Variants in SBNO1 observed in about 807,000 individuals in gnomAD.
SBNO1 encodes the protein protein strawberry notch homolog 1.
SBNO1 carries 23 observed loss-of-function variants against 173.6 expected under a neutral mutation model. That is an observed-to-expected ratio of 0.13 (90% CI 0.10 to 0.19). The LOEUF is 0.19. SBNO1 is among the 10% of genes least tolerant of loss of function. The probability of loss-of-function intolerance (pLI) is 1.00; values close to 1 mark genes in which losing one functional copy is unlikely to be tolerated. For missense variants in SBNO1, 1,238 were observed against 1,671.2 expected (o/e 0.74, Z 4.52); for synonymous variants, 632 against 571.5 (o/e 1.11, Z -1.51).
intron 31 of SBNO1, among the ~76,000 whole-genome samples, chr12:123,296,313 T>A (rs2138858809): frequency 7.8e-6 from 1 of 127,516 alleles, no homozygotes; most frequent in South Asian, 2.7e-4. Context: ...GAATATCTAT[T>A]ATTCTCTTTT....
intron 4 of SBNO1, among the ~76,000 whole-genome samples, chr12:123,344,843 C>T (rs1176568359): frequency 3.3e-5 from 5 of 151,774 alleles, no homozygotes; most frequent in Non-Finnish European, 7.4e-5. Flanking sequence ...ACTGAAAATC[C>T]GTCTCAAAAA....
At chr12:123,344,491 A>G (rs1402097997) in intron 4 of SBNO1, among the ~76,000 whole-genome samples, 4 of 152,224 alleles carry the variant, frequency 2.6e-5, no homozygotes, top group Non-Finnish European at 5.9e-5. Flanking sequence ...ACAAAGTTCT[A>G]CATCTTCCTA....
chr12:123,345,238 A>G lies in SBNO1; in HGVS notation c.550+20T>C. ...AGCTTACCAGAGAGAGAAAGTTGAT[A>G]CTATTGAAAACAGACTTACTAGCTG... On this transcript the variant is annotated intron_variant, in intron 4 of 31. Transcript: ENST00000602398. 2 of 1,589,990 alleles carry G rather than the reference A, an allele frequency of 1.3e-6. No individual in the cohort carries two copies. Among genetic ancestry groups the G allele is most frequent in the Non-Finnish European group, 1.7e-6 (2 of 1,161,166 alleles).
chr12:123,315,522 C>A, intron 22 of SBNO1, 26 bp downstream of exon 22: 1 of 1,576,802 alleles, frequency 6.3e-7, no homozygotes, highest in Non-Finnish European at 8.7e-7. Context: ...ATCATTTACA[C>A]ACAGCCACAC....
In SBNO1 at chr12:123,294,863, AC is replaced by A. The variant is rs1312829383; in HGVS notation, c.*1044del. The A allele has an allele frequency of 6.7e-6, 1 of 149,022 alleles. No homozygotes were observed. Among genetic ancestry groups the A allele is most frequent in the East Asian group, 1.9e-4 (1 of 5,200 alleles). 9.2% of individuals were successfully genotyped at this position (149,022 alleles called of 1,614,324 possible). On this transcript the variant is annotated 3_prime_UTR_variant, in exon 32 of 32. Transcript: ENST00000602398. ...CAACACATTAAACAATATTCAAGTT[AC>A]TGAGTAACAACAATAACAACAATAA...
intron 1 of SBNO1, among the ~76,000 whole-genome samples, chr12:123,361,002 T>C (rs182405910): frequency 2.0e-5 from 3 of 152,012 alleles, no homozygotes; most frequent in Non-Finnish European, 4.4e-5. Flanking sequence ...TCCCAGCACT[T>C]TGGAAGGCCG....
chr12:123,300,575 G>A (rs2048753335), intron 30 of SBNO1, among the ~76,000 whole-genome samples: 2 of 152,096 alleles, frequency 1.3e-5, no homozygotes, highest in Admixed American at 6.6e-5. Flanking sequence ...GAAGAATGCC[G>A]TGAACCTGGG....
chr12:123,352,308 G>A (rs1356948605), intron 1 of SBNO1, among the ~76,000 whole-genome samples: 1 of 152,188 alleles, frequency 6.6e-6, no homozygotes, highest in Non-Finnish European at 1.5e-5. Context: ...AATGGCATTA[G>A]CCAAGAGTAC....
At position 123,325,484 on chromosome 12, in the gene SBNO1, A is replaced by G; in HGVS notation, c.1973+18T>C. On this transcript the variant is annotated intron_variant, in intron 15 of 31. Transcript: ENST00000602398. Reference sequence around the variant, plus strand: ...AACTCAAAAAGAAACAAAAACATTAAAAGAACAAAAACATTACTTGGCAGT... The same window carrying G: ...AACTCAAAAAGAAACAAAAACATTAGAAGAACAAAAACATTACTTGGCAGT... 1 of 1,561,274 alleles carries G rather than the reference A, an allele frequency of 6.4e-7. No individual in the cohort carries two copies.
chr12:123,322,639 C>T (rs969306024), intron 16 of SBNO1, among the ~76,000 whole-genome samples: 10 of 151,864 alleles, frequency 6.6e-5, no homozygotes, highest in Non-Finnish European at 5.9e-5. Context: ...GGCGAGATGG[C>T]TCACACCTGT....
rs1322845324 is a variant in SBNO1 at position 123,289,150 on chromosome 12, AACAAAACAAAAACCACC to A, written c.*6741_*6757del. ...TATTTAGAATCTTACAAAAACAAAA[AACAAAACAAAAACCACC>A]ACAACAGAAAAAAAAACTAAATACA... On this transcript the variant is annotated 3_prime_UTR_variant, in exon 32 of 32. Transcript: ENST00000602398. 6.9e-6 allele frequency: 1 copy of A among 145,160 alleles called. No homozygotes were observed. Among genetic ancestry groups the A allele is most frequent in the Non-Finnish European group, 1.6e-5 (1 of 63,768 alleles). The allele number at this position is 145,160 out of a possible 1,614,324, so 9.0% of individuals were successfully genotyped here.
intron 1 of SBNO1, among the ~76,000 whole-genome samples, chr12:123,352,884 G>C (rs12311572): frequency 6.6e-6 from 1 of 152,114 alleles, no homozygotes; most frequent in African/African-American, 2.4e-5. Flanking sequence ...CGCAACCTCC[G>C]CCTTCCAGGT....
chr12:123,297,357 T>G (rs1459096403), intron 31 of SBNO1, among the ~76,000 whole-genome samples: 2 of 87,674 alleles, frequency 2.3e-5, no homozygotes, highest in African/African-American at 3.9e-5. Context: ...AAAAAATTCA[T>G]TAATTCAAAT....
intron 4 of SBNO1, among the ~76,000 whole-genome samples, chr12:123,341,602 A>G (rs1566047449): frequency 6.6e-6 from 1 of 151,286 alleles, no homozygotes; most frequent in Non-Finnish European, 1.5e-5. Context: ...GCTGACTGCA[A>G]CCTCCTCCTC....
chr12:123,332,295 G>A (rs1052854524), intron 7 of SBNO1, among the ~76,000 whole-genome samples: 2 of 151,970 alleles, frequency 1.3e-5, no homozygotes, highest in African/African-American at 4.8e-5. Context: ...GTTTGTTTTT[G>A]TTTTGTTTTG....
chr12:123,331,157 T>A, intron 8 of SBNO1, 85 bp downstream of exon 8: 1 of 1,365,968 alleles, frequency 7.3e-7, no homozygotes, highest in South Asian at 1.3e-5. Flanking sequence ...AGAGACGGAG[T>A]TTCACTGTGT....
At chr12:123,360,976 T>C (rs1403512852) in intron 1 of SBNO1, among the ~76,000 whole-genome samples, 1 of 152,114 alleles carries the variant, frequency 6.6e-6, no homozygotes, top group Non-Finnish European at 1.5e-5. Context: ...CCGGGCACAG[T>C]GGCTCACGCC....
chr12:123,313,823 T>C (rs1868922387), intron 23 of SBNO1, 104 bp from the exon 24 acceptor site: 2 of 657,818 alleles, frequency 3.0e-6, no homozygotes, highest in Non-Finnish European at 5.2e-6. Context: ...GTGCGGTGGC[T>C]CATGCCTGTA....
rs557351322 is a variant in SBNO1, at chr12:123,336,670, G to A, written c.652-179C>T. Among the ~76,000 whole-genome samples the A allele has an allele frequency of 3.3e-5, 5 of 152,242 alleles. No homozygotes were observed. The South Asian group carries it at 6.2e-4, about 19-fold the overall frequency. On this transcript the variant is annotated intron_variant, in intron 5 of 31. Transcript: ENST00000602398. ...GTGGCTTTCCTGCTTCTCCAATAATGAGCACAGACAATGAGGTCCTACTCT... is the reference window on the plus strand; with the variant it reads ...GTGGCTTTCCTGCTTCTCCAATAATAAGCACAGACAATGAGGTCCTACTCT...
Sources: gnomAD v4.1 joint callset for allele counts (sites outside exome capture counted in the v4.1 genomes callset) on GRCh38, gnomAD v4.1.1 for gene constraint, MANE v1.5 for transcripts, NCBI Gene and HGNC (gene_info 2026-07-23, HGNC 2026-07-21) for gene names.